Variants in SEC24A observed in about 807,000 individuals in gnomAD.
SEC24A encodes protein transport protein Sec24A.
A neutral mutation model predicts 129.4 loss-of-function variants in SEC24A; 93 were observed. The ratio of observed to expected loss-of-function variants is 0.72; its 90% confidence interval spans 0.61 to 0.85. The LOEUF is 0.85. Ranked by LOEUF, SEC24A falls within the 40% of genes least tolerant of loss-of-function variation. SEC24A has a pLI of 0.00. For missense variants in SEC24A, 1,264 were observed against 1,307.4 expected (o/e 0.97, Z 0.51); for synonymous variants, 460 against 467.3 (o/e 0.98, Z 0.20).
intron 15 of SEC24A, among the ~76,000 whole-genome samples, chr5:134,702,126 C>T (rs1169933615): frequency 6.6e-6 from 1 of 152,132 alleles, no homozygotes; most frequent in Non-Finnish European, 1.5e-5. Flanking sequence ...GAAAACCTTT[C>T]TATTTTTATA....
At chr5:134,678,299 C>T (rs1003851260) in intron 7 of SEC24A, among the ~76,000 whole-genome samples, 1 of 152,122 alleles carries the variant, frequency 6.6e-6, no homozygotes, top group African/African-American at 2.4e-5. Context: ...TAGTTGAGAA[C>T]TAAGTAAGCT....
At chr5:134,651,482 A>G (rs932036738) in intron 1 of SEC24A, among the ~76,000 whole-genome samples, 3 of 150,942 alleles carry the variant, frequency 2.0e-5, no homozygotes, top group Non-Finnish European at 4.4e-5. Flanking sequence ...TTTAGTAGAG[A>G]TGGGGTTTCA....
At chr5:134,692,768 G>A in intron 12 of SEC24A, 111 bp downstream of exon 12, 1 of 783,758 alleles carries the variant, frequency 1.3e-6, no homozygotes, top group South Asian at 1.5e-5. Flanking sequence ...TCTAAGATGT[G>A]TAGCATTTTA....
chr5:134,662,036 G>A (rs2150072760), intron 2 of SEC24A, among the ~76,000 whole-genome samples: 1 of 151,758 alleles, frequency 6.6e-6, no homozygotes, highest in South Asian at 2.1e-4. Flanking sequence ...TCACCATATT[G>A]GCCAGGCTGG....
At position 134,666,910 on chromosome 5, in the gene SEC24A, C is replaced by T. The variant is rs527440092; in HGVS notation, c.653C>T (p.Pro218Leu). Residue 218 changes from proline (P) to leucine (L), a missense_variant, in exon 3 of 23, where the codon CCA (proline) becomes CTA (leucine). Coordinates refer to ENST00000398844, the MANE Select transcript of SEC24A (RefSeq NM_021982.3). ...CATGGGCCCCCTCCAGCTGGAGGCC[C>T]ACCCCCAGTGAGGGCCCTCACGCCC... ...APHGPPPAGG[P>L]PPVRALTPLT... is the part of the protein sequence containing the mutation. 2 of 1,612,496 alleles carry T rather than the reference C, an allele frequency of 1.2e-6. No individual in the cohort carries two copies. Among genetic ancestry groups the T allele is most frequent in the African/African-American group, 1.3e-5 (1 of 74,996 alleles).
intron 16 of SEC24A, among the ~76,000 whole-genome samples, chr5:134,705,103 T>TTTTTTA (rs1554141323): frequency 2.1e-5 from 3 of 140,428 alleles, no homozygotes; most frequent in African/African-American, 7.8e-5. Flanking sequence ...TTTTTTTTTT[T>TTTTTTA]AATTAATTTA....
intron 12 of SEC24A, 139 bp from the exon 13 acceptor site, chr5:134,693,588 A>G: frequency 7.0e-7 from 1 of 1,436,982 alleles, no homozygotes; most frequent in South Asian, 1.5e-5. Context: ...TTGTCATTTG[A>G]CCAACTTCAT....
chr5:134,694,795 T>C (rs575752728), intron 13 of SEC24A, among the ~76,000 whole-genome samples: 3 of 141,470 alleles, frequency 2.1e-5, no homozygotes, highest in East Asian at 4.1e-4. Context: ...CTCCAGCCTG[T>C]GCAACAAGAG....
At chr5:134,716,800 CA>C (rs200176385) in intron 19 of SEC24A, among the ~76,000 whole-genome samples, 1,766 of 58,796 alleles carry the variant, frequency 0.03, 20 homozygotes, top group African/African-American at 0.083. Context: ...GATTCCATCT[CA>C]AAAAAAAAAA....
chr5:134,686,923 TA>T, intron 10 of SEC24A, 21 bp downstream of exon 10: 1 of 1,299,924 alleles, frequency 7.7e-7, no homozygotes, highest in Middle Eastern at 1.9e-4. Context: ...CAATTCAGCT[TA>T]AATATGAAAC....
chr5:134,700,459 A>G (rs913483410), intron 15 of SEC24A, among the ~76,000 whole-genome samples: 15 of 151,804 alleles, frequency 9.9e-5, no homozygotes, highest in African/African-American at 2.9e-4. Flanking sequence ...GACTTAAGCA[A>G]TCCTACACCT....
intron 1 of SEC24A, among the ~76,000 whole-genome samples, chr5:134,650,084 ATCTCTAATT>A (rs1343848564): frequency 6.6e-6 from 1 of 152,182 alleles, no homozygotes; most frequent in East Asian, 1.9e-4. Flanking sequence ...AGTGACTAAA[ATCTCTAATT>A]TACATTGTTT....
chr5:134,675,763 A>C (rs1751037798), intron 6 of SEC24A, among the ~76,000 whole-genome samples: 1 of 152,222 alleles, frequency 6.6e-6, no homozygotes, highest in African/African-American at 2.4e-5. Context: ...AAAACAAAAA[A>C]TAAGTCATTT....
intron 2 of SEC24A, among the ~76,000 whole-genome samples, chr5:134,662,247 C>T (rs553297383): frequency 6.2e-4 from 95 of 152,022 alleles, no homozygotes; most frequent in African/African-American, 2.0e-3. Flanking sequence ...CTCTGCCTCC[C>T]GGGTTCACGC....
Position 134,688,215 on chromosome 5 carries a change from A to G in SEC24A, c.1639A>G (p.Ile547Val), listed in dbSNP as rs765152695. 21 of 1,613,050 alleles carry G rather than the reference A, an allele frequency of 1.3e-5. No homozygotes were observed. Among genetic ancestry groups the G allele is most frequent in the Non-Finnish European group, 1.7e-6 (2 of 1,179,310 alleles). ...PGNTRTKIGF[I>V]TFDSTIHFYG... Reference sequence around the variant, plus strand: ...CAACACTAGAACAAAAATTGGCTTCATAACATTTGACAGTACAATCCATTT... The same window carrying G: ...CAACACTAGAACAAAAATTGGCTTCGTAACATTTGACAGTACAATCCATTT... The change falls in exon 11 of 23, where the codon ATA becomes GTA. Residue 547 changes from isoleucine (I) to valine (V), a missense_variant. Physicochemically the swap from Ile to Val is conservative, Grantham distance 29. Transcript: ENST00000398844.
Position 134,706,523 on chromosome 5 carries a change from A to G in SEC24A, c.2551+1086A>G, listed in dbSNP as rs1752164875. Among the ~76,000 whole-genome samples, 4 of 152,130 alleles carry G rather than the reference A, an allele frequency of 2.6e-5. No homozygotes were observed. In the South Asian group the frequency reaches 8.3e-4, roughly 31 times the overall value. The stretch of plus-strand genomic sequence containing the variant: ...TTTTCTTTCTTTTGTTTTTGAAAAC[A>G]GTGTCTTGCTCTGTCACCCAGGGTG... On this transcript the variant is annotated intron_variant, in intron 17 of 22. Transcript: ENST00000398844.
intron 2 of SEC24A, among the ~76,000 whole-genome samples, chr5:134,665,970 A>G (rs77937337): frequency 6.6e-6 from 1 of 152,166 alleles, no homozygotes; most frequent in African/African-American, 2.4e-5. Flanking sequence ...ATTGAATCTA[A>G]TGATCAGTTA....
rs1428014802 is a variant in SEC24A at position 134,679,722 on chromosome 5, A to G, written c.1375A>G (p.Asn459Asp). The G allele has an allele frequency of 6.3e-7, 1 of 1,585,142 alleles. No homozygotes were observed. Among genetic ancestry groups the G allele is most frequent in the East Asian group, 2.2e-5 (1 of 44,468 alleles). ...RWKCNLCYRV[N>D]DVPEEFLYNP... ...GAAGTGTAACTTATGTTATCGAGTC[A>G]ATGATGGTATGGGATGCTTTTTTGA... is the stretch of plus-strand genomic sequence containing the variant. The change falls in exon 8 of 23, where the codon AAT becomes GAT. Residue 459 changes from asparagine (N) to aspartate (D), a missense_variant. Asn to Asp is a conservative substitution (Grantham distance 23, BLOSUM62 1). Transcript: ENST00000398844.
At position 134,727,826 on chromosome 5, in the gene SEC24A, C is replaced by T. The variant is rs545374462; in HGVS notation, c.*2732C>T. On this transcript the variant is annotated 3_prime_UTR_variant, in exon 23 of 23. Coordinates refer to ENST00000398844, the MANE Select transcript of SEC24A (RefSeq NM_021982.3). The stretch of plus-strand genomic sequence containing the variant: ...ATTCCTGTTAAAAAAAAAAAAAAGT[C>T]ATTTGTAACCCATGCAGACCATTGT... 2 of 151,532 alleles carry T rather than the reference C, an allele frequency of 1.3e-5. No homozygotes were observed. Among genetic ancestry groups the T allele is most frequent in the African/African-American group, 2.4e-5 (1 of 41,210 alleles). The allele number at this position is 151,532 out of a possible 1,614,324, so 9.4% of individuals were successfully genotyped here. A position where few individuals can be genotyped will look rare whatever the true frequency, so the allele number is the denominator to read the frequency against.
Sources: allele counts gnomAD v4.1 joint callset (sites outside exome capture counted in the v4.1 genomes callset), GRCh38; gene constraint gnomAD v4.1.1; transcripts MANE v1.5; gene names NCBI Gene and HGNC (gene_info 2026-07-23, HGNC 2026-07-21).